RPL24: variants seen among roughly 807,000 people sequenced by gnomAD.
RPL24 encodes large ribosomal subunit protein eL24.
RPL24 carries 7 observed loss-of-function variants against 26.4 expected under a neutral mutation model. The observed-to-expected ratio is 0.27, with a 90% confidence interval of 0.15 to 0.50. The LOEUF is 0.50. Among genes scored for constraint, RPL24 ranks in the 20% least tolerant of loss-of-function variants. RPL24 has a pLI of 0.98. For synonymous variants in RPL24, 67 were observed against 65.2 expected, an observed-to-expected ratio of 1.03 and a Z score of -0.13; for missense variants, 109 against 194.9, an observed-to-expected ratio of 0.56 and a Z score of 2.62.
chr3:101,683,600 G>A (rs1441567723), intron 3 of RPL24, among the ~76,000 whole-genome samples: 2 of 135,006 alleles, frequency 1.5e-5, no homozygotes, highest in Admixed American at 7.4e-5. Context: ...ACAGTAAATG[G>A]CAGTATTTAC....
At position 101,686,666 on chromosome 3, in the gene RPL24, G is replaced by T. The variant is rs747169081; in HGVS notation, c.5+6C>A. On this transcript the variant is annotated splice_donor_region_variant and intron_variant, in intron 1 of 5. Transcript: ENST00000394077. ...AAGCGGATTGGGAACCACGGGTCGT[G>T]CTTACTTCATGGCGACAGCTCCACG... The T allele has an allele frequency of 1.9e-6, 3 of 1,614,250 alleles. No homozygotes were observed. The South Asian group carries it at 3.3e-5, about 18-fold the overall frequency.
In RPL24 at chr3:101,684,790, A is replaced by ACCC. The variant is rs1559993233; in HGVS notation, c.192+1027_192+1028insGGG. 4.2e-3 allele frequency among the ~76,000 whole-genome samples: 593 copies of ACCC among 141,966 alleles called. 21 individuals carry two copies. Among genetic ancestry groups the ACCC allele is most frequent in the African/African-American group, 0.015 (551 of 37,742 alleles). 93.1% of individuals were successfully genotyped at this position (141,966 alleles called of 152,430 possible). On this transcript the variant is annotated intron_variant, in intron 3 of 5. Coordinates refer to ENST00000394077, the MANE Select transcript of RPL24 (RefSeq NM_000986.4). ...ACCTGTCTCCCCAAAAAAAAAAAAA[A>ACCC]AAAAAAAAAAAAAAAAAAAAAAAGG... is the stretch of plus-strand genomic sequence containing the variant.
chr3:101,682,940 ACCTT>A (rs1352381562), intron 3 of RPL24, 33 bp from the exon 4 acceptor site: 19 of 1,588,636 alleles, frequency 1.2e-5, no homozygotes, highest in Non-Finnish European at 1.6e-5. Flanking sequence ...ACACTTAGGA[ACCTT>A]CCTTCAAGAA....
chr3:101,681,350 T>A, intron 5 of RPL24, 135 bp from the exon 6 acceptor site: 1 of 653,900 alleles, frequency 1.5e-6, no homozygotes, highest in Non-Finnish European at 2.8e-6. Flanking sequence ...GCCAATCTTT[T>A]AATGTGACTA....
intron 3 of RPL24, among the ~76,000 whole-genome samples, chr3:101,684,898 TC>T (rs34467037): frequency 4.1e-5 from 6 of 148,046 alleles, no homozygotes; most frequent in African/African-American, 1.5e-4. Context: ...TTTAAAGGTC[TC>T]CTATGTTGCC....
intron 2 of RPL24, 130 bp from the exon 3 acceptor site, chr3:101,686,058 G>A (rs946828238): frequency 7.9e-6 from 5 of 635,020 alleles, no homozygotes; most frequent in Non-Finnish European, 1.1e-5. Context: ...GGCCCACAAG[G>A]ACCAAAAGGC....
chr3:101,686,597 C>T, intron 1 of RPL24, 40 bp from the exon 2 acceptor site: 2 of 1,613,948 alleles, frequency 1.2e-6, no homozygotes, highest in South Asian at 1.1e-5. Flanking sequence ...AGGGTGTCTA[C>T]AGCCATGCCA....
intron 3 of RPL24, among the ~76,000 whole-genome samples, chr3:101,683,569 CAGTAAAATGGCAGTTTTTCT>C (rs1398555238): frequency 1.3e-5 from 2 of 152,084 alleles, no homozygotes; most frequent in East Asian, 3.8e-4. Context: ...ATTGTTTCTA[CAGTAAAATGGCAGTTTTTCT>C]ACAGTAAATG....
At chr3:101,684,514 C>T (rs936996758) in intron 3 of RPL24, among the ~76,000 whole-genome samples, 10 of 151,980 alleles carry the variant, frequency 6.6e-5, no homozygotes, top group African/African-American at 9.7e-5. Context: ...CAGGATGGCT[C>T]GCGCCTGTAA....
chr3:101,682,923 GA>G lies in RPL24; in HGVS notation c.193-17del. 6.2e-7 allele frequency: 1 copy of G among 1,612,208 alleles called. No homozygotes were observed. Among genetic ancestry groups the G allele is most frequent in the African/African-American group, 1.3e-5 (1 of 74,962 alleles). On this transcript the variant is annotated splice_polypyrimidine_tract_variant and intron_variant, in intron 3 of 5. Transcript: ENST00000394077. ...GAATTTCTTCCTGCAAAACAAAGAT[GA>G]GGGGCACACTTAGGAACCTTCCTTC...
intron 5 of RPL24, chr3:101,682,202 C>G (rs1380600711): frequency 2.0e-6 from 1 of 490,410 alleles, no homozygotes; most frequent in African/African-American, 2.0e-5. Context: ...AACAAACAAA[C>G]AAACAAACAA....
chr3:101,685,310 CAGA>C (rs1268345370), intron 3 of RPL24, among the ~76,000 whole-genome samples: 1 of 152,088 alleles, frequency 6.6e-6, no homozygotes, highest in Admixed American at 6.5e-5. Flanking sequence ...GTCCTTCATC[CAGA>C]AGGTGTTCAG....
At chr3:101,682,682 T>C (rs1937278673) in intron 4 of RPL24, 89 bp downstream of exon 4, 2 of 1,332,614 alleles carry the variant, frequency 1.5e-6, no homozygotes, top group South Asian at 1.3e-5. Flanking sequence ...TTAACATATA[T>C]TAATCTATAT....
At chr3:101,684,503 G>C (rs138075203) in intron 3 of RPL24, among the ~76,000 whole-genome samples, 6 of 152,062 alleles carry the variant, frequency 3.9e-5, no homozygotes, top group Non-Finnish European at 8.8e-5. Context: ...ATTTAGCTAT[G>C]CAGGATGGCT....
Position 101,686,041 on chromosome 3 carries a change from A to C in RPL24, c.82-113T>G, listed in dbSNP as rs1937337208. The C allele has an allele frequency of 1.3e-5, 9 of 709,116 alleles. No homozygotes were observed. In the South Asian group the frequency reaches 1.5e-4, roughly 12 times the overall value. The allele number at this position is 709,116 out of a possible 1,614,324, so 43.9% of individuals were successfully genotyped here. Reference sequence around the variant, plus strand: ...GCTAGTTCTGGCTTATCATTTTACAAAACTGAGGCCCACAAGGACCAAAAG... The same window carrying C: ...GCTAGTTCTGGCTTATCATTTTACACAACTGAGGCCCACAAGGACCAAAAG... On this transcript the variant is annotated intron_variant, in intron 2 of 5. Transcript: ENST00000394077.
In RPL24 at chr3:101,686,554, G is replaced by C. The variant is rs754290518; in HGVS notation, c.9C>G (p.Val3=). 1 of 1,614,192 alleles carries C rather than the reference G, an allele frequency of 6.2e-7. No individual in the cohort carries two copies. Among genetic ancestry groups the C allele is most frequent in the Non-Finnish European group, 8.5e-7 (1 of 1,180,022 alleles). Residue 3 remains valine (V), a synonymous_variant, in exon 2 of 6, where the codon GTC becomes GTG. Transcript: ENST00000394077. ...TGTACCCGCTAAAACTGCACAGCTC[G>C]ACCCTGCAACAAAAAGTGAAAGTCC... The part of the protein sequence containing the change: MK[V]ELCSFSGYKI...
intron 3 of RPL24, among the ~76,000 whole-genome samples, chr3:101,683,824 G>A (rs1457008778): frequency 6.7e-6 from 1 of 150,240 alleles, no homozygotes; most frequent in Non-Finnish European, 1.5e-5. Flanking sequence ...AAGCAATTCT[G>A]CCTCAGCCTC....
chr3:101,682,819 C>T lies in RPL24; in HGVS notation c.281G>A (p.Arg94Lys). The T allele has an allele frequency of 6.2e-7, 1 of 1,613,522 alleles. No homozygotes were observed. Among genetic ancestry groups the T allele is most frequent in the East Asian group, 2.2e-5 (1 of 44,870 alleles). Reference protein sequence around the residue: ...GASLADIMAKRNQKPEVRKAQ... With the variant: ...GASLADIMAKKNQKPEVRKAQ... Reference sequence around the variant, plus strand: ...CTTTCTAACTTCAGGTTTCTGATTCCTCTTGGCCATTATATCAGCAAGAGA... The same window carrying T: ...CTTTCTAACTTCAGGTTTCTGATTCTTCTTGGCCATTATATCAGCAAGAGA... The change falls in exon 4 of 6, where the codon AGG becomes AAG. Residue 94 changes from arginine (R) to lysine (K), a missense_variant. Physicochemically the swap from Arg to Lys is conservative, Grantham distance 26 (BLOSUM62 2). Transcript: ENST00000394077.
chr3:101,686,696 GAC>G lies in RPL24; in HGVS notation c.-22_-21del. ...CTTCATGGCGACAGCTCCACGGAAA[GAC>G]AAAAGATGGCGAAAAGAAAGAGAGA... On this transcript the variant is annotated 5_prime_UTR_variant, in exon 1 of 6. Coordinates refer to ENST00000394077, the MANE Select transcript of RPL24 (RefSeq NM_000986.4). 1 of 1,614,204 alleles carries G rather than the reference GAC, an allele frequency of 6.2e-7. No homozygotes were observed. The highest frequency in any genetic ancestry group is 8.5e-7 in the Non-Finnish European group (1 of 1,180,020).
Sources: gnomAD v4.1 joint callset for allele counts (sites outside exome capture counted in the v4.1 genomes callset) on GRCh38, gnomAD v4.1.1 for gene constraint, MANE v1.5 for transcripts, NCBI Gene and HGNC (gene_info 2026-07-23, HGNC 2026-07-21) for gene names.